Variants in ADCY2 observed in about 807,000 individuals in gnomAD.
The protein encoded by ADCY2 is adenylate cyclase type 2.
A neutral mutation model predicts 125.2 loss-of-function variants in ADCY2; 31 were observed. The ratio of observed to expected loss-of-function variants is 0.25; its 90% CI spans 0.19 to 0.33. The LOEUF (loss-of-function observed/expected upper bound fraction) is 0.33, where lower values mean the gene tolerates loss of function less well. Among genes scored for constraint, ADCY2 ranks in the 10% least tolerant of loss-of-function variants. The probability of loss-of-function intolerance (pLI) is 1.00; values close to 1 mark genes in which losing one functional copy is unlikely to be tolerated. For synonymous variants in ADCY2, 512 were observed against 548.4 expected (o/e 0.93, Z 0.93); for missense variants, 904 against 1,418.2 (o/e 0.64, Z 5.82).
chr5:7,540,270 A>G (rs1357824892), intron 3 of ADCY2, among the ~76,000 whole-genome samples: 2 of 151,364 alleles, frequency 1.3e-5, no homozygotes, highest in South Asian at 2.1e-4. Context: ...ACAAACCCGC[A>G]TGGCCCATGT....
chr5:7,717,134 A>T (rs1294177089), intron 11 of ADCY2, 23 bp from the exon 12 acceptor site: 2 of 1,510,808 alleles, frequency 1.3e-6, no homozygotes, highest in East Asian at 2.3e-5. Context: ...ATCCTTACCC[A>T]TAATATTCCA....
At chr5:7,526,895 A>G (rs893148653) in intron 3 of ADCY2, among the ~76,000 whole-genome samples, 4 of 152,256 alleles carry the variant, frequency 2.6e-5, no homozygotes, top group Non-Finnish European at 4.4e-5. Flanking sequence ...GCAGTTTTAT[A>G]TTATCCACGT....
At chr5:7,556,622 C>T (rs1735514352) in intron 3 of ADCY2, among the ~76,000 whole-genome samples, 1 of 152,102 alleles carries the variant, frequency 6.6e-6, no homozygotes, top group African/African-American at 2.4e-5. Flanking sequence ...GTCCCTGTCC[C>T]CAGGGCTGCA....
intron 11 of ADCY2, among the ~76,000 whole-genome samples, chr5:7,715,694 C>T (rs990111456): frequency 1.3e-5 from 2 of 151,860 alleles, no homozygotes; most frequent in African/African-American, 4.8e-5. Flanking sequence ...ATTTTTTTAA[C>T]CAAAACTGCT....
At chr5:7,761,735 T>C (rs1743222331) in intron 16 of ADCY2, among the ~76,000 whole-genome samples, 1 of 152,136 alleles carries the variant, frequency 6.6e-6, no homozygotes, top group Admixed American at 6.5e-5. Flanking sequence ...ACAAATCTGG[T>C]TTGGAAGCTA....
chr5:7,744,354 A>G (rs1456600836), intron 15 of ADCY2, among the ~76,000 whole-genome samples: 1 of 152,208 alleles, frequency 6.6e-6, no homozygotes, highest in Non-Finnish European at 1.5e-5. Flanking sequence ...AAACCTGCAC[A>G]TTCAGCACCT....
chr5:7,638,148 C>T (rs908907065), intron 4 of ADCY2, among the ~76,000 whole-genome samples: 4 of 152,158 alleles, frequency 2.6e-5, no homozygotes, highest in Admixed American at 1.3e-4. Context: ...GTTAGCAAAT[C>T]GTGTTTGGCC....
rs60652060 is a variant in ADCY2 at position 7,557,135 on chromosome 5, T to TTATATATATATATA, written c.570+36237_570+36250dup. On this transcript the variant is annotated intron_variant, in intron 3 of 24. Coordinates refer to ENST00000338316, the MANE Select transcript of ADCY2 (RefSeq NM_020546.3). ...CTATAAATCATGAAGCAAAAACAGT[T>TTATATATATATATA]TATATATATATATAAACTTTATAGA... is the stretch of plus-strand genomic sequence containing the variant. 1.9e-3 allele frequency among the ~76,000 whole-genome samples: 151 copies of TTATATATATATATA among 77,540 alleles called. 1 individual carries two copies. The highest frequency in any genetic ancestry group is 7.8e-3 in the Middle Eastern group (1 of 128). The allele number at this position is 77,540 out of a possible 152,430, so 50.9% of individuals were successfully genotyped here. A position where few individuals can be genotyped will look rare whatever the true frequency, so the allele number is the denominator to read the frequency against.
At chr5:7,642,290 T>C (rs1461684459) in intron 4 of ADCY2, among the ~76,000 whole-genome samples, 1 of 152,224 alleles carries the variant, frequency 6.6e-6, no homozygotes, top group Non-Finnish European at 1.5e-5. Flanking sequence ...TGAGCATTTT[T>C]AAAATATGTT....
intron 1 of ADCY2, among the ~76,000 whole-genome samples, chr5:7,408,058 G>A (rs1739569366): frequency 6.6e-6 from 1 of 151,576 alleles, no homozygotes; most frequent in Non-Finnish European, 1.5e-5. Context: ...TTTTAGTAGA[G>A]ACGGGGTTTC....
At chr5:7,451,134 T>G (rs995932342) in intron 2 of ADCY2, among the ~76,000 whole-genome samples, 6 of 152,220 alleles carry the variant, frequency 3.9e-5, no homozygotes, top group Middle Eastern at 6.3e-3. Context: ...AACTTTCAAG[T>G]CTTATTACTT....
chr5:7,656,940 A>G (rs796471518), intron 4 of ADCY2, among the ~76,000 whole-genome samples: 16 of 152,382 alleles, frequency 1.0e-4, no homozygotes, highest in African/African-American at 3.8e-4. Flanking sequence ...TCTAAGTGCC[A>G]ACATGATACC....
chr5:7,570,660 A>G, intron 3 of ADCY2, among the ~76,000 whole-genome samples: 1 of 152,046 alleles, frequency 6.6e-6, no homozygotes, highest in Middle Eastern at 3.4e-3. Flanking sequence ...GGAGTAAAAA[A>G]CAGCCACAAA....
intron 3 of ADCY2, among the ~76,000 whole-genome samples, chr5:7,548,534 G>T (rs564088855): frequency 4.4e-4 from 67 of 152,158 alleles, no homozygotes; most frequent in Non-Finnish European, 8.8e-4. Flanking sequence ...CTGTCATTGT[G>T]TTGTATGTCT....
intron 3 of ADCY2, among the ~76,000 whole-genome samples, chr5:7,575,178 T>A (rs1457833333): frequency 6.6e-6 from 1 of 152,096 alleles, no homozygotes; most frequent in Non-Finnish European, 1.5e-5. Flanking sequence ...AAAAAATTTT[T>A]AAATTAAAAA....
intron 2 of ADCY2, among the ~76,000 whole-genome samples, chr5:7,511,891 G>A (rs1744075933): frequency 6.6e-6 from 1 of 151,966 alleles, no homozygotes; most frequent in Non-Finnish European, 1.5e-5. Context: ...TTATTGGCAT[G>A]ATAAGGACTT....
chr5:7,743,938 C>T (rs896462255), intron 15 of ADCY2, among the ~76,000 whole-genome samples, 186 bp downstream of exon 15: 8 of 152,186 alleles, frequency 5.3e-5, no homozygotes, highest in Non-Finnish European at 1.0e-4. Context: ...CCCTCATGCA[C>T]AACCAAGACA....
intron 2 of ADCY2, among the ~76,000 whole-genome samples, chr5:7,470,026 G>A (rs1172714079): frequency 6.6e-6 from 1 of 151,600 alleles, no homozygotes; most frequent in Non-Finnish European, 1.5e-5. Flanking sequence ...TTAATTTTGT[G>A]CATATTTTAA....
Position 7,781,783 on chromosome 5 carries a change from C to T in ADCY2, c.2385-2582C>T, listed in dbSNP as rs180729471. Among the ~76,000 whole-genome samples, 8 of 152,280 alleles carry T rather than the reference C, an allele frequency of 5.3e-5. No homozygotes were observed. The East Asian group carries it at 1.2e-3, about 22-fold the overall frequency. ...AAGATGTCCTGGGATTTTAATGTACCTCTCCCTGACTCCCACCATGCTCCA... is the reference window on the plus strand; with the variant it reads ...AAGATGTCCTGGGATTTTAATGTACTTCTCCCTGACTCCCACCATGCTCCA... On this transcript the variant is annotated intron_variant, in intron 18 of 24. Coordinates refer to ENST00000338316, the MANE Select transcript of ADCY2 (RefSeq NM_020546.3).
Sources: allele counts gnomAD v4.1 joint callset (sites outside exome capture counted in the v4.1 genomes callset), GRCh38; gene constraint gnomAD v4.1.1; transcripts MANE v1.5; gene names NCBI Gene and HGNC (gene_info 2026-07-23, HGNC 2026-07-21).